DDX60L: variants seen among roughly 807,000 people sequenced by gnomAD.
The protein encoded by DDX60L is probable ATP-dependent RNA helicase DDX60-like.
A neutral mutation model predicts 211.6 loss-of-function variants in DDX60L; 191 were observed. The ratio of observed to expected loss-of-function variants is 0.90; its 90% CI spans 0.80 to 1.02. The LOEUF is 1.02. Among genes scored for constraint, DDX60L ranks in the 50% least tolerant of loss-of-function variants. DDX60L has a pLI of 0.00. For missense variants in DDX60L, 2,007 were observed against 1,984.1 expected, an observed-to-expected ratio of 1.01 and a Z score of -0.22; for synonymous variants, 706 against 694.1, an observed-to-expected ratio of 1.02 and a Z score of -0.27.
chr4:168,365,492 A>G (rs146220314), intron 36 of DDX60L, among the ~76,000 whole-genome samples: 4 of 151,826 alleles, frequency 2.6e-5, no homozygotes, highest in African/African-American at 9.7e-5. Context: ...ATCTAAACAG[A>G]GCAGTAATGA....
chr4:168,447,359 A>G (rs1754974996), intron 9 of DDX60L, among the ~76,000 whole-genome samples: 1 of 140,852 alleles, frequency 7.1e-6, no homozygotes, highest in African/African-American at 2.5e-5. Flanking sequence ...TTAGAATGGC[A>G]AACATTAAAA....
At position 168,415,418 on chromosome 4, in the gene DDX60L, G is replaced by A. The variant is rs369510208; in HGVS notation, c.2969C>T (p.Thr990Met). ...CACTTTTATACTTACAATATCTGTCGTTAGCGCAGCACAGGGATGAAAATG... is the reference window on the plus strand; with the variant it reads ...CACTTTTATACTTACAATATCTGTCATTAGCGCAGCACAGGGATGAAAATG... ...FDHFHPCAAL[T>M]TDIIEKYGFP... Residue 990 changes from threonine to methionine, a missense_variant, in exon 22 of 38, where the codon ACG becomes ATG. By Grantham distance (81) the Thr-to-Met change is moderately conservative (BLOSUM62 -1). Coordinates refer to ENST00000682922, the MANE Select transcript of DDX60L (RefSeq NM_001012967.3). 6.1e-5 allele frequency: 97 copies of A among 1,598,982 alleles called. No individual in the cohort carries two copies. Among genetic ancestry groups the A allele is most frequent in the East Asian group, 4.3e-4 (19 of 44,340 alleles).
At chr4:168,388,612 A>C (rs1416040522) in intron 29 of DDX60L, among the ~76,000 whole-genome samples, 1 of 152,240 alleles carries the variant, frequency 6.6e-6, no homozygotes, top group Non-Finnish European at 1.5e-5. Context: ...CACCTGAGAA[A>C]TTAACTAACT....
chr4:168,400,765 G>A (rs1746648540), intron 26 of DDX60L, 61 bp downstream of exon 26: 7 of 1,384,744 alleles, frequency 5.1e-6, no homozygotes, highest in Non-Finnish European at 6.9e-6. Context: ...ATTTCTGACA[G>A]TGTCTTGTAA....
intron 36 of DDX60L, among the ~76,000 whole-genome samples, chr4:168,368,005 T>C (rs1740286887): frequency 6.6e-6 from 1 of 152,262 alleles, no homozygotes; most frequent in African/African-American, 2.4e-5. Flanking sequence ...TTGGAAAATT[T>C]GCAGCTTGGC....
chr4:168,446,624 C>A (rs13137394), intron 9 of DDX60L, among the ~76,000 whole-genome samples: 43,467 of 151,180 alleles, frequency 0.29, 7,797 homozygotes, highest in East Asian at 0.62. Flanking sequence ...TACCTGACTT[C>A]AAACTATACT....
intron 33 of DDX60L, 145 bp from the exon 34 acceptor site, chr4:168,375,669 G>T: frequency 1.3e-6 from 1 of 795,520 alleles, no homozygotes; most frequent in South Asian, 2.9e-5. Flanking sequence ...TGAGATTAAG[G>T]TAAAATTTCC....
intron 24 of DDX60L, 26 bp downstream of exon 24, chr4:168,405,923 CT>C: frequency 6.5e-7 from 1 of 1,531,536 alleles, no homozygotes; most frequent in Non-Finnish European, 8.8e-7. Flanking sequence ...TTAAGTGAAA[CT>C]TTGTCCAAGA....
rs1051732708 is a variant in DDX60L, at chr4:168,442,202, G to T, written c.1139-710C>A. Among the ~76,000 whole-genome samples the T allele has an allele frequency of 2.6e-5, 4 of 152,284 alleles. 1 individual carries two copies. Among genetic ancestry groups the T allele is most frequent in the African/African-American group, 9.6e-5 (4 of 41,566 alleles). ...ATTGCCTCACTTGGGAAGCGCAAGG[G>T]GTCAGGGAGTTCCCTTTCTGAGTCA... On this transcript the variant is annotated intron_variant, in intron 9 of 37. Coordinates refer to ENST00000682922, the MANE Select transcript of DDX60L (RefSeq NM_001012967.3).
intron 1 of DDX60L, 141 bp from the exon 2 acceptor site, chr4:168,472,950 A>T (rs1439561573): frequency 1.9e-6 from 1 of 524,074 alleles, no homozygotes; most frequent in Non-Finnish European, 3.3e-6. Flanking sequence ...AAAATTTCAA[A>T]TCACAAATGT....
rs1226175327 is a variant in DDX60L at position 168,375,523 on chromosome 4, A to C, written c.4487T>G (p.Val1496Gly). 6.3e-7 allele frequency: 1 copy of C among 1,592,462 alleles called. No individual in the cohort carries two copies. Among genetic ancestry groups the C allele is most frequent in the South Asian group, 1.2e-5 (1 of 86,404 alleles). The change falls in exon 34 of 38, where the codon GTG (valine) becomes GGG (glycine). Residue 1496 changes from valine to glycine, a missense_variant and splice_region_variant. By Grantham distance (109) the Val-to-Gly change is moderately radical (BLOSUM62 -3). Coordinates refer to ENST00000682922, the MANE Select transcript of DDX60L (RefSeq NM_001012967.3). ...ATCCTCCGGGAGTTCGGCAAGGATC[A>C]CCTATGGGCGAAATACATTTCAGAA... The part of the protein sequence containing the change: ...NANLSFSQSK[V>G]ILAELPEDFK...
chr4:168,434,148 C>T (rs1041547269), intron 10 of DDX60L, among the ~76,000 whole-genome samples: 2 of 151,696 alleles, frequency 1.3e-5, no homozygotes, highest in African/African-American at 2.4e-5. Context: ...TGCATAGATG[C>T]GTGAGTGTGT....
rs555810363 is a variant in DDX60L, at chr4:168,454,608, A to T, written c.838-1326T>A. On this transcript the variant is annotated intron_variant, in intron 7 of 37. Coordinates refer to ENST00000682922, the MANE Select transcript of DDX60L (RefSeq NM_001012967.3). ...CATTAGACAATCAATATCCTTAGCTAAGGGAATTAATAAATGTGTTATCAG... is the reference window on the plus strand; with the variant it reads ...CATTAGACAATCAATATCCTTAGCTTAGGGAATTAATAAATGTGTTATCAG... Among the ~76,000 whole-genome samples the T allele has an allele frequency of 3.3e-5, 5 of 152,190 alleles. No homozygotes were observed. In the South Asian group the frequency reaches 1.0e-3, roughly 32 times the overall value.
chr4:168,390,646 T>TA (rs1480166790), intron 29 of DDX60L: 20 of 596,336 alleles, frequency 3.4e-5, no homozygotes, highest in Non-Finnish European at 5.0e-5. Context: ...TCAGTTTTTT[T>TA]TTTAGCAGTG....
chr4:168,358,651 C>A (rs1164879084), intron 37 of DDX60L, among the ~76,000 whole-genome samples: 2 of 151,248 alleles, frequency 1.3e-5, no homozygotes, highest in African/African-American at 4.9e-5. Flanking sequence ...TCTGCCTCAG[C>A]CTCCTGAGTA....
In DDX60L at chr4:168,414,258, G is replaced by A. The variant is rs143176383; in HGVS notation, c.2979+1150C>T. On this transcript the variant is annotated intron_variant, in intron 22 of 37. Coordinates refer to ENST00000682922, the MANE Select transcript of DDX60L (RefSeq NM_001012967.3). ...CAGTGGGAAAGAAAAGGATGTTAAT[G>A]AGCATTAAGAAACCACCTGAAGGTA... Among the ~76,000 whole-genome samples the A allele has an allele frequency of 3.3e-3, 497 of 152,210 alleles. 1 individual carries two copies. The highest frequency in any genetic ancestry group is 0.011 in the African/African-American group (471 of 41,562).
chr4:168,454,758 C>CTTTTTTTTTTTTTTGTTTTTTTTTTTT (rs1756278543), intron 7 of DDX60L, among the ~76,000 whole-genome samples: 1 of 88,656 alleles, frequency 1.1e-5, no homozygotes, highest in Non-Finnish European at 2.1e-5. Flanking sequence ...AAACAGCTTC[C>CTTTTTTTTTTTTTTGTTTTTTTTTTTT]TTTTTTTTTT....
intron 36 of DDX60L, among the ~76,000 whole-genome samples, chr4:168,363,763 G>A (rs183763401): frequency 6.6e-6 from 1 of 152,040 alleles, no homozygotes; most frequent in East Asian, 1.9e-4. Flanking sequence ...CCAAACCACA[G>A]ACATAAACAA....
chr4:168,456,221 A>C (rs1046299995), intron 6 of DDX60L, 69 bp from the exon 7 acceptor site: 2 of 905,356 alleles, frequency 2.2e-6, no homozygotes, highest in Non-Finnish European at 3.1e-6. Context: ...AAGTGCTCTT[A>C]CTTGTAAGAA....
Sources: allele counts gnomAD v4.1 joint callset (sites outside exome capture counted in the v4.1 genomes callset), GRCh38; gene constraint gnomAD v4.1.1; transcripts MANE v1.5; gene names NCBI Gene and HGNC (gene_info 2026-07-23, HGNC 2026-07-21).